Variants in IPCEF1 observed in about 807,000 individuals in gnomAD.
The protein encoded by IPCEF1 is interaction protein for cytohesin exchange factors 1.
A neutral mutation model predicts 50.9 loss-of-function variants in IPCEF1; 31 were observed. The ratio of observed to expected loss-of-function variants is 0.61; its 90% CI spans 0.46 to 0.82. The LOEUF (loss-of-function observed/expected upper bound fraction) is 0.82. Among genes scored for constraint, IPCEF1 ranks in the 40% least tolerant of loss-of-function variants. The pLI is 0.00. For missense variants in IPCEF1, 458 were observed against 514.0 expected (o/e 0.89, Z 1.05); for synonymous variants, 181 against 192.0 (o/e 0.94, Z 0.47).
chr6:154,205,737 A>T (rs1341390195), intron 9 of IPCEF1, among the ~76,000 whole-genome samples: 1 of 152,178 alleles, frequency 6.6e-6, no homozygotes, highest in African/African-American at 2.4e-5. Context: ...CAATGAATAA[A>T]CTGCAATTAG....
intron 10 of IPCEF1, among the ~76,000 whole-genome samples, chr6:154,194,206 C>T (rs1322085786): frequency 6.6e-6 from 1 of 152,176 alleles, no homozygotes; most frequent in African/African-American, 2.4e-5. Context: ...TCGAGACCAG[C>T]CTGACCAACG....
At chr6:154,298,038 A>ACT (rs2128673156) in intron 1 of IPCEF1, among the ~76,000 whole-genome samples, 1 of 152,360 alleles carries the variant, frequency 6.6e-6, no homozygotes, top group East Asian at 1.9e-4. Flanking sequence ...GAAAACCAGC[A>ACT]TATAAAGCAC....
At chr6:154,333,919 G>C (rs1783733038) in intron 1 of IPCEF1, among the ~76,000 whole-genome samples, 1 of 152,026 alleles carries the variant, frequency 6.6e-6, no homozygotes, top group African/African-American at 2.4e-5. Context: ...ACAGAAATGA[G>C]TATTAGGAGA....
intron 1 of IPCEF1, among the ~76,000 whole-genome samples, chr6:154,298,775 T>G (rs1782724252): frequency 6.6e-6 from 1 of 151,886 alleles, no homozygotes; most frequent in African/African-American, 2.4e-5. Flanking sequence ...ACCAGCCTGA[T>G]CAACGTGGTG....
At chr6:154,193,331 C>T (rs990796999) in intron 10 of IPCEF1, among the ~76,000 whole-genome samples, 4 of 152,008 alleles carry the variant, frequency 2.6e-5, no homozygotes, top group African/African-American at 9.7e-5. Context: ...GATGCAAAGG[C>T]ACGATAAAAT....
At chr6:154,188,068 A>G (rs117663014) in intron 10 of IPCEF1, among the ~76,000 whole-genome samples, 74 of 152,336 alleles carry the variant, frequency 4.9e-4, no homozygotes, top group Admixed American at 1.5e-3. Flanking sequence ...GAAAGGAAAA[A>G]AGCAAAACCA....
chr6:154,187,986 T>C (rs1011226869), intron 10 of IPCEF1, among the ~76,000 whole-genome samples: 5 of 152,216 alleles, frequency 3.3e-5, no homozygotes, highest in East Asian at 1.9e-4. Context: ...ATGCCCATGA[T>C]TGCCATTTCT....
At position 154,260,420 on chromosome 6, in the gene IPCEF1, G is replaced by A. The variant is rs976551388; in HGVS notation, c.36+5492C>T. ...TGAGCCCTGTGATCCTTAAATTAAG[G>A]CTGTTTTCCTTCTTTAGTTGAACAG... On this transcript the variant is annotated intron_variant, in intron 3 of 11. Transcript: ENST00000367220. Among the ~76,000 whole-genome samples, 8 of 152,088 alleles carry A rather than the reference G, an allele frequency of 5.3e-5. No individual in the cohort carries two copies. In the East Asian group the frequency reaches 1.4e-3, roughly 26 times the overall value.
At chr6:154,178,497 C>CT (rs1471410278) in intron 10 of IPCEF1, among the ~76,000 whole-genome samples, 1 of 152,046 alleles carries the variant, frequency 6.6e-6, no homozygotes, top group African/African-American at 2.4e-5. Flanking sequence ...CGAAGGGTAT[C>CT]TTCCTCCCCC....
At chr6:154,294,630 G>A (rs547363424) in intron 1 of IPCEF1, among the ~76,000 whole-genome samples, 1 of 152,266 alleles carries the variant, frequency 6.6e-6, no homozygotes, top group East Asian at 1.9e-4. Context: ...GTGGTAACTG[G>A]GAATTCAACC....
intron 1 of IPCEF1, among the ~76,000 whole-genome samples, chr6:154,317,009 G>A (rs529686616): frequency 1.3e-5 from 2 of 152,030 alleles, no homozygotes; most frequent in African/African-American, 2.4e-5. Context: ...AAACTATAAA[G>A]CTTCCAGAAG....
At chr6:154,323,104 T>C (rs1176837112) in intron 1 of IPCEF1, among the ~76,000 whole-genome samples, 1 of 152,150 alleles carries the variant, frequency 6.6e-6, no homozygotes, top group African/African-American at 2.4e-5. Flanking sequence ...ATGCCCTTGG[T>C]TCTGAACCAT....
At chr6:154,196,877 A>G (rs1776664504) in intron 10 of IPCEF1, among the ~76,000 whole-genome samples, 1 of 152,204 alleles carries the variant, frequency 6.6e-6, no homozygotes, top group African/African-American at 2.4e-5. Context: ...ACAGGAGAAA[A>G]TGTCTAACAG....
chr6:154,341,839 T>A (rs1215766978), intron 1 of IPCEF1, among the ~76,000 whole-genome samples: 1 of 152,190 alleles, frequency 6.6e-6, no homozygotes, highest in Admixed American at 6.5e-5. Flanking sequence ...TAATAATTTA[T>A]AATGTCTGTA....
intron 1 of IPCEF1, among the ~76,000 whole-genome samples, chr6:154,332,569 ATT>A (rs1411612275): frequency 6.6e-6 from 1 of 152,170 alleles, no homozygotes. Flanking sequence ...AACTGAAGAG[ATT>A]CTCTCCTTCA....
At chr6:154,187,196 A>G (rs1007928609) in intron 10 of IPCEF1, among the ~76,000 whole-genome samples, 3 of 152,024 alleles carry the variant, frequency 2.0e-5, no homozygotes, top group Admixed American at 6.5e-5. Context: ...TCGACTTATC[A>G]GAGAGATTTT....
chr6:154,267,991 A>G (rs1052043479), intron 2 of IPCEF1, among the ~76,000 whole-genome samples: 1 of 152,198 alleles, frequency 6.6e-6, no homozygotes, highest in African/African-American at 2.4e-5. Flanking sequence ...GGGCCCAGAA[A>G]GGCACCACAA....
intron 2 of IPCEF1, among the ~76,000 whole-genome samples, chr6:154,288,925 C>T (rs2037805): frequency 0.15 from 23,183 of 151,694 alleles, 1,981 homozygotes; most frequent in East Asian, 0.42. Context: ...ATTAGCTGGG[C>T]ATGGTGGCAT....
At chr6:154,347,112 C>A (rs143897783) in intron 1 of IPCEF1, among the ~76,000 whole-genome samples, 2 of 152,186 alleles carry the variant, frequency 1.3e-5, no homozygotes, top group African/African-American at 4.8e-5. Context: ...CCCAAACAGG[C>A]TTCCTCTGGC....
Sources: gnomAD v4.1 joint callset for allele counts (sites outside exome capture counted in the v4.1 genomes callset) on GRCh38, gnomAD v4.1.1 for gene constraint, MANE v1.5 for transcripts, NCBI Gene and HGNC (gene_info 2026-07-23, HGNC 2026-07-21) for gene names.